Variants in BCL2L11 observed in about 807,000 individuals in gnomAD.
BCL2L11 encodes the protein BCL2 like 11.
BCL2L11 carries 15 observed loss-of-function variants against 20.6 expected under a neutral mutation model. The observed-to-expected ratio is 0.73, with a 90% CI of 0.49 to 1.12. The LOEUF (loss-of-function observed/expected upper bound fraction) is 1.12, where lower values mean the gene tolerates loss of function less well. BCL2L11 is among the 50% of genes most tolerant of loss of function. The probability of loss-of-function intolerance (pLI) is 0.00; values close to 1 mark genes in which losing one functional copy is unlikely to be tolerated. For synonymous variants in BCL2L11, 108 were observed against 92.8 expected (o/e 1.16, Z -0.94); for missense variants, 292 against 260.9 (o/e 1.12, Z -0.82).
chr2:111,162,741 A>T (rs1167900380), intron 3 of BCL2L11: 6 of 152,206 alleles, frequency 3.9e-5, no homozygotes, highest in Admixed American at 3.9e-4. Flanking sequence ...CTCTGCCTGG[A>T]TTGATTACTT....
At chr2:111,139,029 C>T (rs776604389) in intron 2 of BCL2L11, among the ~76,000 whole-genome samples, 8 of 152,124 alleles carry the variant, frequency 5.3e-5, no homozygotes, top group Non-Finnish European at 1.2e-4. Flanking sequence ...AAGGAGCTGT[C>T]GTTCCAGGAG....
chr2:111,145,233 G>A (rs867422074), intron 2 of BCL2L11, among the ~76,000 whole-genome samples: 4 of 152,098 alleles, frequency 2.6e-5, no homozygotes, highest in African/African-American at 7.2e-5. Context: ...GCACCACCTC[G>A]TTCCCAGACT....
At chr2:111,141,277 A>G (rs908905703) in intron 2 of BCL2L11, among the ~76,000 whole-genome samples, 10 of 151,832 alleles carry the variant, frequency 6.6e-5, no homozygotes, top group Non-Finnish European at 1.2e-4. Context: ...ATGTCCAACA[A>G]TGATAGACTG....
chr2:111,140,380 C>T lies in BCL2L11; in HGVS notation c.395-9664C>T, dbSNP rs576790752. 1.1e-4 allele frequency among the ~76,000 whole-genome samples: 16 copies of T among 152,276 alleles called. No individual in the cohort carries two copies. The East Asian group carries it at 1.5e-3, about 15-fold the overall frequency. ...TTTTCCCCCCAAAATATATTGTATTCCTGGGTCATAACATGCTTCCCATTC... is the reference window on the plus strand; with the variant it reads ...TTTTCCCCCCAAAATATATTGTATTTCTGGGTCATAACATGCTTCCCATTC... On this transcript the variant is annotated intron_variant, in intron 2 of 3. Coordinates refer to ENST00000393256, the MANE Select transcript of BCL2L11 (RefSeq NM_138621.5).
chr2:111,154,176 CAT>C (rs2077557311), intron 3 of BCL2L11, among the ~76,000 whole-genome samples: 1 of 152,152 alleles, frequency 6.6e-6, no homozygotes, highest in African/African-American at 2.4e-5. Context: ...AAACTACAGA[CAT>C]GATACTGCTT....
intron 2 of BCL2L11, among the ~76,000 whole-genome samples, chr2:111,129,026 C>T (rs976164410): frequency 1.3e-5 from 2 of 152,194 alleles, no homozygotes; most frequent in African/African-American, 2.4e-5. Context: ...TTCCATGAAG[C>T]TTACTCCTTG....
chr2:111,157,265 C>T (rs1418305180), intron 3 of BCL2L11, among the ~76,000 whole-genome samples: 1 of 152,126 alleles, frequency 6.6e-6, no homozygotes, highest in Non-Finnish European at 1.5e-5. Context: ...TTTTTTAAAT[C>T]TCTTGAGGAG....
chr2:111,153,819 T>A (rs1208172541), intron 3 of BCL2L11: 2 of 1,551,986 alleles, frequency 1.3e-6, no homozygotes, highest in African/African-American at 1.4e-5. Flanking sequence ...TTGTCATGTA[T>A]TCAGTCCACT....
intron 2 of BCL2L11, among the ~76,000 whole-genome samples, chr2:111,141,948 A>T (rs1428707827): frequency 6.6e-6 from 1 of 151,888 alleles, no homozygotes; most frequent in Non-Finnish European, 1.5e-5. Flanking sequence ...TGATGTGCCC[A>T]CCTCAGCCTC....
intron 3 of BCL2L11, chr2:111,151,694 A>C (rs2077278170): frequency 3.8e-6 from 3 of 779,364 alleles, no homozygotes; most frequent in Non-Finnish European, 6.6e-6. Context: ...AGAGTCAAGA[A>C]AACACACATC....
At chr2:111,146,098 T>G (rs1252498453) in intron 2 of BCL2L11, 1 of 985,150 alleles carries the variant, frequency 1.0e-6, no homozygotes, top group East Asian at 1.1e-4. Flanking sequence ...AAAAAAAAAT[T>G]TAGTGCCAGG....
At chr2:111,163,084 T>G (rs1200404278) in intron 3 of BCL2L11, 2 of 153,052 alleles carry the variant, frequency 1.3e-5, no homozygotes, top group African/African-American at 4.8e-5. Flanking sequence ...GCAGAGCTTG[T>G]GTAAACAGTG....
intron 3 of BCL2L11, among the ~76,000 whole-genome samples, chr2:111,163,861 C>CTTTT (rs10547953): frequency 3.8e-5 from 4 of 104,712 alleles, no homozygotes; most frequent in East Asian, 5.8e-4. Context: ...TTTTTGAGTG[C>CTTTT]TTTTTTTTTT....
chr2:111,161,334 C>A, intron 3 of BCL2L11: 1 of 1,475,298 alleles, frequency 6.8e-7, no homozygotes, highest in Non-Finnish European at 9.2e-7. Context: ...TTTTAAAAAA[C>A]GCTTGTAATC....
At chr2:111,153,998 A>G (rs1378353170) in intron 3 of BCL2L11, 2 of 1,314,666 alleles carry the variant, frequency 1.5e-6, no homozygotes, top group Non-Finnish European at 2.0e-6. Flanking sequence ...TGGCCCCTCT[A>G]TTCAGTCGGA....
intron 3 of BCL2L11, among the ~76,000 whole-genome samples, chr2:111,159,291 A>C (rs72837816): frequency 0.071 from 10,838 of 152,250 alleles, 558 homozygotes; most frequent in Non-Finnish European, 0.11. Flanking sequence ...CTGCACTTTG[A>C]GTCACTTGCT....
intron 3 of BCL2L11, among the ~76,000 whole-genome samples, chr2:111,159,047 G>A (rs901798312): frequency 6.6e-6 from 1 of 152,170 alleles, no homozygotes; most frequent in Non-Finnish European, 1.5e-5. Flanking sequence ...GAATCACTTA[G>A]TGATTCTCAA....
intron 1 of BCL2L11, among the ~76,000 whole-genome samples, chr2:111,121,830 C>T (rs894185789): frequency 6.6e-6 from 1 of 152,224 alleles, no homozygotes; most frequent in Non-Finnish European, 1.5e-5. Context: ...GATTCCCTGG[C>T]AGCGAGAAAT....
chr2:111,149,543 A>G (rs1332622154), intron 2 of BCL2L11, among the ~76,000 whole-genome samples: 1 of 152,138 alleles, frequency 6.6e-6, no homozygotes, highest in Non-Finnish European at 1.5e-5. Context: ...CAACTTATTC[A>G]GGTTTCTCAG....
Sources: gnomAD v4.1 joint callset for allele counts (sites outside exome capture counted in the v4.1 genomes callset) on GRCh38, gnomAD v4.1.1 for gene constraint, MANE v1.5 for transcripts, NCBI Gene and HGNC (gene_info 2026-07-23, HGNC 2026-07-21) for gene names.